NELL1: variants seen among roughly 807,000 people sequenced by gnomAD.
The protein encoded by NELL1 is protein kinase C-binding protein NELL1.
A neutral mutation model predicts 107.4 loss-of-function variants in NELL1; 76 were observed. The ratio of observed to expected loss-of-function variants is 0.71; its 90% CI spans 0.59 to 0.86. The LOEUF (loss-of-function observed/expected upper bound fraction) is 0.86. NELL1 is among the 40% of genes least tolerant of loss of function. NELL1 has a pLI of 0.00. For missense variants in NELL1, 1,024 were observed against 1,005.5 expected, an observed-to-expected ratio of 1.02 and a Z score of -0.25; for synonymous variants, 353 against 341.2, an observed-to-expected ratio of 1.03 and a Z score of -0.38.
Position 21,561,878 on chromosome 11 carries a change from G to A in NELL1, c.1980+1496G>A, listed in dbSNP as rs116597760. Among the ~76,000 whole-genome samples the A allele has an allele frequency of 5.0e-3, 760 of 152,168 alleles. 9 individuals are homozygous for A. The highest frequency in any genetic ancestry group is 0.017 in the African/African-American group (717 of 41,538). On this transcript the variant is annotated intron_variant, in intron 17 of 19. Transcript: ENST00000357134. Reference sequence around the variant, plus strand: ...ACTCAAAGGGCAAAAATTTTTAAGAGAAGACAAATCTCATTGTGGGTTAGA... The same window carrying A: ...ACTCAAAGGGCAAAAATTTTTAAGAAAAGACAAATCTCATTGTGGGTTAGA...
At chr11:21,044,491 A>C (rs1853310194) in intron 12 of NELL1, among the ~76,000 whole-genome samples, 1 of 152,100 alleles carries the variant, frequency 6.6e-6, no homozygotes, top group Admixed American at 6.6e-5. Flanking sequence ...GGACAAATGG[A>C]AATTTGTTTT....
At position 21,534,386 on chromosome 11, in the gene NELL1, G is replaced by A. The variant is rs140709165; in HGVS notation, c.1658G>A (p.Cys553Tyr). ...GSHCEKDIDE[C>Y]SEGIIECHNH... Reference sequence around the variant, plus strand: ...TTCTCTGAGGCAGATATTGATGAATGTTCAGAGGGAATCATTGAGTGCCAC... The same window carrying A: ...TTCTCTGAGGCAGATATTGATGAATATTCAGAGGGAATCATTGAGTGCCAC... The change falls in exon 16 of 20, where the codon TGT becomes TAT. Residue 553 changes from cysteine (C) to tyrosine (Y), a missense_variant. Cys to Tyr is a radical substitution (Grantham distance 194). Coordinates refer to ENST00000357134, the MANE Select transcript of NELL1 (RefSeq NM_006157.5). The A allele has an allele frequency of 1.2e-6, 2 of 1,613,720 alleles. No homozygotes were observed. Among genetic ancestry groups the A allele is most frequent in the Admixed American group, 3.3e-5 (2 of 59,980 alleles).
chr11:20,756,496 C>T (rs1043576222), intron 2 of NELL1, among the ~76,000 whole-genome samples: 2 of 147,310 alleles, frequency 1.4e-5, no homozygotes, highest in East Asian at 2.0e-4. Context: ...CCTGAGATGG[C>T]GCCGGGCTAA....
chr11:21,308,305 G>A (rs1179663260), intron 14 of NELL1, among the ~76,000 whole-genome samples: 1 of 151,936 alleles, frequency 6.6e-6, no homozygotes, highest in Non-Finnish European at 1.5e-5. Flanking sequence ...TTGAAAATCT[G>A]GTTTCTGAGC....
intron 2 of NELL1, among the ~76,000 whole-genome samples, chr11:20,780,785 G>A (rs1035238172): frequency 1.3e-5 from 2 of 152,146 alleles, no homozygotes; most frequent in Non-Finnish European, 2.9e-5. Context: ...GTGAAAAGGA[G>A]AGAGAAGAGC....
intron 13 of NELL1, among the ~76,000 whole-genome samples, chr11:21,223,242 CCAGTG>C (rs955298031): frequency 5.3e-5 from 8 of 151,980 alleles, no homozygotes; most frequent in Admixed American, 2.6e-4. Context: ...TTTGGGTCCT[CCAGTG>C]CTGGATGCAT....
At chr11:21,339,642 G>T (rs901611588) in intron 14 of NELL1, among the ~76,000 whole-genome samples, 1 of 152,110 alleles carries the variant, frequency 6.6e-6, no homozygotes, top group African/African-American at 2.4e-5. Context: ...ATCAGGGTCC[G>T]CTGGTCCTTG....
intron 12 of NELL1, among the ~76,000 whole-genome samples, chr11:21,016,034 T>C (rs940149367): frequency 1.3e-5 from 2 of 152,088 alleles, no homozygotes; most frequent in Admixed American, 1.3e-4. Flanking sequence ...GAAAGTGAGC[T>C]TGTGGGTCCT....
intron 16 of NELL1, among the ~76,000 whole-genome samples, chr11:21,536,215 A>G (rs1856134085): frequency 6.6e-6 from 1 of 152,120 alleles, no homozygotes; most frequent in African/African-American, 2.4e-5. Context: ...CAAGGTAGTG[A>G]GCATAGTACA....
intron 2 of NELL1, among the ~76,000 whole-genome samples, chr11:20,759,947 G>C (rs903129459): frequency 6.6e-6 from 1 of 152,218 alleles, no homozygotes; most frequent in African/African-American, 2.4e-5. Context: ...CCTGTCTCCT[G>C]TGTGTTCTTA....
intron 15 of NELL1, among the ~76,000 whole-genome samples, chr11:21,490,311 A>G (rs1028108241): frequency 2.0e-5 from 3 of 152,030 alleles, no homozygotes; most frequent in Non-Finnish European, 2.9e-5. Flanking sequence ...ATTGAAAGAC[A>G]TTACATGCTT....
chr11:21,244,684 T>G (rs1400454309), intron 14 of NELL1, among the ~76,000 whole-genome samples: 1 of 152,180 alleles, frequency 6.6e-6, no homozygotes, highest in African/African-American at 2.4e-5. Flanking sequence ...AAGAATATTG[T>G]CTTCCCATGT....
At chr11:21,170,921 A>G (rs550226723) in intron 13 of NELL1, among the ~76,000 whole-genome samples, 2 of 151,528 alleles carry the variant, frequency 1.3e-5, no homozygotes, top group African/African-American at 2.4e-5. Context: ...TCTGATCATT[A>G]TAAAATAGGT....
intron 9 of NELL1, among the ~76,000 whole-genome samples, chr11:20,933,949 G>T (rs1272163625): frequency 6.6e-6 from 1 of 152,196 alleles, no homozygotes; most frequent in Non-Finnish European, 1.5e-5. Flanking sequence ...TGGGCACTGT[G>T]AAATATTCTA....
intron 13 of NELL1, among the ~76,000 whole-genome samples, chr11:21,220,867 C>T (rs1018564791): frequency 3.9e-5 from 6 of 151,934 alleles, no homozygotes; most frequent in African/African-American, 1.5e-4. Context: ...TATTTATTTC[C>T]CTTGTCTAAT....
intron 13 of NELL1, among the ~76,000 whole-genome samples, chr11:21,139,605 G>T (rs966618373): frequency 2.6e-5 from 4 of 152,294 alleles, no homozygotes; most frequent in African/African-American, 9.6e-5. Flanking sequence ...AATGTTTGTT[G>T]CTTTTCTTCA....
At chr11:20,808,518 C>G (rs1857433095) in intron 3 of NELL1, among the ~76,000 whole-genome samples, 1 of 152,206 alleles carries the variant, frequency 6.6e-6, no homozygotes, top group African/African-American at 2.4e-5. Flanking sequence ...GCCACACTAG[C>G]TGGTGTCTAA....
intron 8 of NELL1, 84 bp from the exon 9 acceptor site, chr11:20,928,293 C>G: frequency 8.1e-7 from 1 of 1,238,588 alleles, no homozygotes; most frequent in Non-Finnish European, 1.2e-6. Flanking sequence ...GATGAGGTTT[C>G]TGGGATGAGA....
intron 4 of NELL1, among the ~76,000 whole-genome samples, chr11:20,864,860 G>A (rs1345000185): frequency 6.6e-6 from 1 of 152,168 alleles, no homozygotes; most frequent in Admixed American, 6.5e-5. Context: ...CAACTTGCTT[G>A]GATTCCTTCC....
Sources: gnomAD v4.1 joint callset for allele counts (sites outside exome capture counted in the v4.1 genomes callset) on GRCh38, gnomAD v4.1.1 for gene constraint, MANE v1.5 for transcripts, NCBI Gene and HGNC (gene_info 2026-07-23, HGNC 2026-07-21) for gene names.